The following CREB5 variants were observed in gnomAD, a reference collection of about 807,000 sequenced individuals.
CREB5 encodes the protein cyclic AMP-responsive element-binding protein 5.
Under a neutral mutation model 57.1 loss-of-function variants are expected in CREB5, and 19 were observed. The ratio of observed to expected loss-of-function variants is 0.33; its 90% CI spans 0.23 to 0.49. The LOEUF (loss-of-function observed/expected upper bound fraction) is 0.49. CREB5 is among the 20% of genes least tolerant of loss of function. CREB5 has a pLI of 0.99. For missense variants in CREB5, 579 were observed against 671.6 expected (o/e 0.86, Z 1.52); for synonymous variants, 238 against 238.3 (o/e 1.00, Z 0.01).
At chr7:28,649,874 G>C (rs1392484449) in intron 5 of CREB5, among the ~76,000 whole-genome samples, 2 of 152,164 alleles carry the variant, frequency 1.3e-5, no homozygotes, top group South Asian at 4.1e-4. Flanking sequence ...CTTTCATGAA[G>C]TAATGAGCTA....
intron 7 of CREB5, among the ~76,000 whole-genome samples, chr7:28,744,338 C>G (rs1264740606): frequency 7.5e-6 from 1 of 133,216 alleles, no homozygotes; most frequent in Non-Finnish European, 1.6e-5. Flanking sequence ...CCTTTAGTAC[C>G]TCTTTTTTTT....
intron 5 of CREB5, among the ~76,000 whole-genome samples, chr7:28,584,877 A>G (rs1796253387): frequency 6.6e-6 from 1 of 152,150 alleles, no homozygotes; most frequent in East Asian, 1.9e-4. Flanking sequence ...TAAAAATAAA[A>G]ACAAGACTAC....
chr7:28,499,194 A>AAC (rs57931825), intron 3 of CREB5, among the ~76,000 whole-genome samples: 17 of 150,814 alleles, frequency 1.1e-4, no homozygotes, highest in Non-Finnish European at 4.4e-5. Context: ...AAAAAAAAAA[A>AAC]GACCCAGAAT....
At chr7:28,414,795 T>A (rs144710295) in intron 1 of CREB5, among the ~76,000 whole-genome samples, 8 of 152,196 alleles carry the variant, frequency 5.3e-5, no homozygotes, top group Admixed American at 5.2e-4. Flanking sequence ...TTTTTTTTTT[T>A]ATAAAAAGAG....
intron 5 of CREB5, among the ~76,000 whole-genome samples, chr7:28,714,059 A>G (rs1476905129): frequency 6.7e-6 from 1 of 148,528 alleles, no homozygotes; most frequent in Non-Finnish European, 1.5e-5. Context: ...GCTCACTGCC[A>G]CCTCCACCTC....
chr7:28,759,991 G>C (rs977602912), intron 7 of CREB5, among the ~76,000 whole-genome samples: 6 of 152,184 alleles, frequency 3.9e-5, no homozygotes, highest in African/African-American at 1.4e-4. Context: ...TAGGTCTCAG[G>C]CTGCTGGTTA....
chr7:28,488,204 G>C lies in CREB5; in HGVS notation c.33G>C (p.Glu11Asp). The C allele has an allele frequency of 6.2e-7, 1 of 1,613,924 alleles. No homozygotes were observed. The highest frequency in any genetic ancestry group is 1.7e-4 in the Middle Eastern group (1 of 6,056). MIYEESKMNL[E>D]QERPFVCSAP... ...ATGAGGAATCCAAGATGAATTTGGA[G>C]CAGGAGAGGCCGTTTGTCTGCAGTG... is the stretch of plus-strand genomic sequence containing the variant. Residue 11 changes from glutamate (E) to aspartate (D), a missense_variant, in exon 2 of 11, where the codon GAG becomes GAC. Glu to Asp is a conservative substitution (Grantham distance 45). Around this residue, in one of 3 missense-constraint regions of CREB5, gnomAD observed 459 missense variants for 515.7 expected, o/e 0.89. Transcript: ENST00000357727.
At chr7:28,676,117 T>C (rs1352480895) in intron 5 of CREB5, among the ~76,000 whole-genome samples, 1 of 152,090 alleles carries the variant, frequency 6.6e-6, no homozygotes, top group Non-Finnish European at 1.5e-5. Context: ...GAAATAGGCT[T>C]GGTGGCCCTA....
chr7:28,543,092 A>G lies in CREB5; in HGVS notation c.292-27273A>G, dbSNP rs559282971. On this transcript the variant is annotated intron_variant, in intron 4 of 10. Transcript: ENST00000357727. ...TTTCATACATGATCCTATGAGCCTC[A>G]ATACTTGCTTTTCTCTCTCCTCTTG... Among the ~76,000 whole-genome samples the G allele has an allele frequency of 2.3e-3, 349 of 152,198 alleles. 1 individual carries two copies. The highest frequency in any genetic ancestry group is 8.2e-3 in the African/African-American group (339 of 41,526).
intron 1 of CREB5, among the ~76,000 whole-genome samples, chr7:28,468,059 G>C (rs1448161718): frequency 2.0e-5 from 3 of 152,166 alleles, no homozygotes; most frequent in Non-Finnish European, 4.4e-5. Context: ...AGTGTGAGTT[G>C]GTGCCCAGCC....
intron 7 of CREB5, among the ~76,000 whole-genome samples, chr7:28,798,000 C>T (rs915768220): frequency 2.0e-5 from 3 of 151,644 alleles, no homozygotes; most frequent in Non-Finnish European, 4.4e-5. Context: ...TTTGGAGAGG[C>T]CACAGAGGCC....
chr7:28,508,022 G>T (rs191737210), intron 4 of CREB5, among the ~76,000 whole-genome samples: 5 of 152,190 alleles, frequency 3.3e-5, no homozygotes, highest in African/African-American at 4.8e-5. Context: ...AGTGAGTGCA[G>T]AAGAATAGAG....
intron 1 of CREB5, among the ~76,000 whole-genome samples, chr7:28,445,968 C>T (rs1395080678): frequency 6.6e-6 from 1 of 151,832 alleles, no homozygotes; most frequent in Non-Finnish European, 1.5e-5. Context: ...ACAAACCCAA[C>T]AAAGAATGTG....
At chr7:28,556,636 TA>T (rs1376159786) in intron 4 of CREB5, among the ~76,000 whole-genome samples, 2 of 152,196 alleles carry the variant, frequency 1.3e-5, no homozygotes, top group African/African-American at 4.8e-5. Flanking sequence ...AAAAATAACC[TA>T]AGTTTGATGA....
At chr7:28,543,519 G>GT (rs2128629530) in intron 4 of CREB5, among the ~76,000 whole-genome samples, 1 of 137,586 alleles carries the variant, frequency 7.3e-6, no homozygotes, top group Non-Finnish European at 1.5e-5. Flanking sequence ...CTTTCCATCA[G>GT]TTTTTGTACA....
In CREB5 at chr7:28,763,850, G is replaced by A. The variant is rs556086712; in HGVS notation, c.702+39518G>A. Among the ~76,000 whole-genome samples, 3 of 151,738 alleles carry A rather than the reference G, an allele frequency of 2.0e-5. No individual in the cohort carries two copies. The South Asian group carries it at 6.2e-4, about 32-fold the overall frequency. ...AGGGTCTTGCTCTGTCACCAAGGCT[G>A]GAGTACATGGCATGATCATACTCAC... On this transcript the variant is annotated intron_variant, in intron 7 of 10. Coordinates refer to ENST00000357727, the MANE Select transcript of CREB5 (RefSeq NM_182898.4).
chr7:28,416,350 A>ACAT (rs1179721912), intron 1 of CREB5, among the ~76,000 whole-genome samples: 3 of 152,206 alleles, frequency 2.0e-5, no homozygotes, highest in Non-Finnish European at 2.9e-5. Flanking sequence ...AACAACAACA[A>ACAT]CAAAATTTTT....
At chr7:28,640,703 G>C (rs866170509) in intron 5 of CREB5, among the ~76,000 whole-genome samples, 8 of 152,108 alleles carry the variant, frequency 5.3e-5, no homozygotes, top group African/African-American at 1.9e-4. Context: ...GTGTTGCCAG[G>C]ACAGCATTTT....
chr7:28,372,629 T>G (rs746738789), intron 1 of CREB5, among the ~76,000 whole-genome samples: 12 of 152,202 alleles, frequency 7.9e-5, no homozygotes, highest in Non-Finnish European at 1.5e-4. Context: ...TATTATAGAT[T>G]GGTATTAAGG....
Sources: gnomAD v4.1 joint callset for allele counts (sites outside exome capture counted in the v4.1 genomes callset) on GRCh38, gnomAD v4.1.1 for gene constraint, gnomAD v4.1.1 regional missense constraint, MANE v1.5 for transcripts, NCBI Gene and HGNC (gene_info 2026-07-23, HGNC 2026-07-21) for gene names.